MAF: variants seen among roughly 807,000 people sequenced by gnomAD.
MAF encodes transcription factor Maf.
Under a neutral mutation model 22.0 loss-of-function variants are expected in MAF, and 10 were observed. The observed-to-expected ratio is 0.45, with a 90% CI of 0.28 to 0.77. The LOEUF is 0.77. Ranked by LOEUF, MAF falls within the 30% of genes least tolerant of loss-of-function variation. MAF has a pLI of 0.12. For missense variants in MAF, 544 were observed against 548.4 expected (o/e 0.99, Z 0.08); for synonymous variants, 337 against 255.8 (o/e 1.32, Z -3.03).
the MAF span, among the ~76,000 whole-genome samples, chr16:79,291,709 G>A: frequency 4.2e-4 from 63 of 150,306 alleles, no homozygotes; most frequent in Non-Finnish European, 6.6e-4. Flanking sequence ...CAAATATGGC[G>A]CTAAAAACTT....
At chr16:79,337,899 T>G in the MAF span, among the ~76,000 whole-genome samples, 1 of 152,158 alleles carries the variant, frequency 6.6e-6, no homozygotes, top group East Asian at 1.9e-4. Flanking sequence ...TTCCAGTGGA[T>G]GGGAAACTAC....
At chr16:79,304,442 TA>T in the MAF span, among the ~76,000 whole-genome samples, 1 of 152,212 alleles carries the variant, frequency 6.6e-6, no homozygotes, top group African/African-American at 2.4e-5. Flanking sequence ...AGTCTTTTTT[TA>T]AAAAATAGAA....
At chr16:79,426,799 G>C in the MAF span, among the ~76,000 whole-genome samples, 5 of 152,216 alleles carry the variant, frequency 3.3e-5, no homozygotes, top group African/African-American at 9.7e-5. Context: ...TTCCCTCTGG[G>C]TCTGTTAGCA....
the MAF span, among the ~76,000 whole-genome samples, chr16:79,357,800 C>T: frequency 1.3e-5 from 2 of 152,132 alleles, no homozygotes; most frequent in African/African-American, 4.8e-5. Context: ...TCCCATTCTC[C>T]TCCCTGCCCA....
chr16:79,217,044 A>C, the MAF span, among the ~76,000 whole-genome samples: 3 of 152,142 alleles, frequency 2.0e-5, no homozygotes, highest in Non-Finnish European at 2.9e-5. Flanking sequence ...TCCTGCCCTA[A>C]AGTGATCCAA....
chr16:79,290,956 G>T, the MAF span, among the ~76,000 whole-genome samples: 3 of 152,016 alleles, frequency 2.0e-5, no homozygotes. Context: ...TGCTTCCTCC[G>T]AGATGTGATG....
At chr16:79,323,685 C>G in the MAF span, among the ~76,000 whole-genome samples, 1 of 152,148 alleles carries the variant, frequency 6.6e-6, no homozygotes. Context: ...AGAGACCTCT[C>G]CACAGTCTGT....
At chr16:79,526,284 G>C in the MAF span, among the ~76,000 whole-genome samples, 1 of 152,138 alleles carries the variant, frequency 6.6e-6, no homozygotes, top group Non-Finnish European at 1.5e-5. Context: ...TCAGGCATTA[G>C]TTAGATTCTC....
the MAF span, among the ~76,000 whole-genome samples, chr16:79,231,135 C>G: frequency 6.6e-6 from 1 of 151,964 alleles, no homozygotes; most frequent in East Asian, 1.9e-4. Flanking sequence ...CAGGGACAGC[C>G]ACGATACTGT....
At chr16:79,471,994 A>G in the MAF span, among the ~76,000 whole-genome samples, 1 of 151,892 alleles carries the variant, frequency 6.6e-6, no homozygotes, top group Non-Finnish European at 1.5e-5. Context: ...GTTAGGAAAG[A>G]CTCCACAGCA....
chr16:79,349,833 A>C, the MAF span, among the ~76,000 whole-genome samples: 1 of 152,196 alleles, frequency 6.6e-6, no homozygotes, highest in Admixed American at 6.5e-5. Context: ...GCCCTTTGCA[A>C]TCTGCCTTCA....
chr16:79,376,559 T>G, the MAF span, among the ~76,000 whole-genome samples: 9 of 152,142 alleles, frequency 5.9e-5, no homozygotes, highest in Admixed American at 2.0e-4. Flanking sequence ...TAAGTTTTAG[T>G]GTACATGTGC....
At chr16:79,573,901 T>A in the MAF span, among the ~76,000 whole-genome samples, 1 of 152,188 alleles carries the variant, frequency 6.6e-6, no homozygotes, top group South Asian at 2.1e-4. Flanking sequence ...TGCAAAGATG[T>A]CATCTTGGTC....
chr16:79,460,188 T>C, the MAF span, among the ~76,000 whole-genome samples: 1 of 152,228 alleles, frequency 6.6e-6, no homozygotes, highest in African/African-American at 2.4e-5. Context: ...TATATGCCTT[T>C]TACCATGCAA....
the MAF span, among the ~76,000 whole-genome samples, chr16:79,325,904 T>C: frequency 6.6e-6 from 1 of 152,146 alleles, no homozygotes; most frequent in Non-Finnish European, 1.5e-5. Context: ...TCAAGGAAGG[T>C]ATCTTACCAG....
At chr16:79,401,012 G>T in the MAF span, among the ~76,000 whole-genome samples, 2,484 of 152,278 alleles carry the variant, frequency 0.016, 64 homozygotes, top group African/African-American at 0.055. Flanking sequence ...GACTCTGTCC[G>T]CTGATAAGGA....
chr16:79,582,489 A>G (rs900668218), downstream of MAF, among the ~76,000 whole-genome samples: 3 of 152,306 alleles, frequency 2.0e-5, no homozygotes, highest in Middle Eastern at 3.4e-3. Context: ...ATACAAGTTT[A>G]TATGGCATAA....
the MAF span, among the ~76,000 whole-genome samples, chr16:79,534,899 C>T: frequency 1.3e-5 from 2 of 152,074 alleles, no homozygotes; most frequent in East Asian, 1.9e-4. Flanking sequence ...GTGGGCCAAC[C>T]GCTTCATCTT....
At chr16:79,446,066 C>T in the MAF span, among the ~76,000 whole-genome samples, 1 of 150,140 alleles carries the variant, frequency 6.7e-6, no homozygotes, top group Non-Finnish European at 1.5e-5. Flanking sequence ...GAGACAGAGA[C>T]AGAGAGAAAA....
Sources: gnomAD v4.1 joint callset for allele counts (sites outside exome capture counted in the v4.1 genomes callset) on GRCh38, gnomAD v4.1.1 for gene constraint, MANE v1.5 for transcripts, NCBI Gene and HGNC (gene_info 2026-07-23, HGNC 2026-07-21) for gene names.